The following ANKRD18A variants were observed in gnomAD, a reference collection of about 807,000 sequenced individuals.
ANKRD18A encodes the protein ankyrin repeat domain 18A, also known as ankyrin repeat domain-containing protein 18A.
ANKRD18A carries 72 observed loss-of-function variants against 110.6 expected under a neutral mutation model. The ratio of observed to expected loss-of-function variants is 0.65; its 90% CI spans 0.54 to 0.79. The LOEUF (loss-of-function observed/expected upper bound fraction) is 0.79, where lower values mean the gene tolerates loss of function less well. Ranked by LOEUF, ANKRD18A falls within the 30% of genes least tolerant of loss-of-function variation. The pLI is 0.00. For missense variants in ANKRD18A, 934 were observed against 1,163.3 expected (o/e 0.80, Z 2.87); for synonymous variants, 305 against 410.3 (o/e 0.74, Z 3.10).
intron 3 of ANKRD18A, among the ~76,000 whole-genome samples, chr9:38,611,705 T>C (rs1271384883): frequency 6.6e-6 from 1 of 152,160 alleles, no homozygotes; most frequent in African/African-American, 2.4e-5. Context: ...GCGAATGCTT[T>C]AAGTTTTTAA....
chr9:38,579,548 T>A (rs1824059518), intron 12 of ANKRD18A, among the ~76,000 whole-genome samples: 1 of 152,012 alleles, frequency 6.6e-6, no homozygotes, highest in East Asian at 1.9e-4. Flanking sequence ...AAAAAAGAAA[T>A]ACAAATAGCG....
chr9:38,566,163 T>G, the ANKRD18A span: 1 of 129,658 alleles, frequency 7.7e-6, no homozygotes, highest in South Asian at 2.4e-4. Flanking sequence ...CTGTCCCTGA[T>G]CCCATGAATC....
At chr9:38,579,173 A>G (rs1054913428) in intron 12 of ANKRD18A, among the ~76,000 whole-genome samples, 1 of 152,214 alleles carries the variant, frequency 6.6e-6, no homozygotes, top group Non-Finnish European at 1.5e-5. Flanking sequence ...ATATAGCACC[A>G]TATAGCAAAA....
chr9:38,600,016 A>G (rs1825055712), intron 8 of ANKRD18A, among the ~76,000 whole-genome samples: 1 of 152,178 alleles, frequency 6.6e-6, no homozygotes, highest in South Asian at 2.1e-4. Flanking sequence ...ATTAAGTATG[A>G]ACAAAGAAAA....
chr9:38,611,803 ACCCC>A (rs1295666402), intron 3 of ANKRD18A, among the ~76,000 whole-genome samples: 201 of 152,362 alleles, frequency 1.3e-3, no homozygotes, highest in African/African-American at 4.6e-3. Context: ...AAAGAACTGT[ACCCC>A]AACAAAAAGA....
intron 9 of ANKRD18A, among the ~76,000 whole-genome samples, chr9:38,594,462 A>T (rs1205383556): frequency 1.3e-5 from 2 of 152,208 alleles, no homozygotes; most frequent in African/African-American, 4.8e-5. Context: ...GAGACTTAAA[A>T]TGTAAATTAT....
Position 38,595,484 on chromosome 9 carries a change from A to C in ANKRD18A, c.1854+2T>G. ...GAAGTTTATAGTTTTCTTCATACTTACTTCTCTTTCTGCTTTTTCTTTTTC... is the reference window on the plus strand; with the variant it reads ...GAAGTTTATAGTTTTCTTCATACTTCCTTCTCTTTCTGCTTTTTCTTTTTC... On this transcript the variant is annotated splice_donor_variant, in intron 9 of 15. Coordinates refer to ENST00000399703, the MANE Select transcript of ANKRD18A (RefSeq NM_147195.4). LOFTEE classifies it high-confidence loss of function. The C allele has an allele frequency of 6.8e-7, 1 of 1,466,938 alleles. No individual in the cohort carries two copies. The highest frequency in any genetic ancestry group is 1.5e-5 in the South Asian group (1 of 68,548). The allele number at this position is 1,466,938 out of a possible 1,614,324, so 90.9% of individuals were successfully genotyped here. A position where few individuals can be genotyped will look rare whatever the true frequency, so the allele number is the denominator to read the frequency against.
chr9:38,573,618 G>A (rs1247435561), intron 15 of ANKRD18A, among the ~76,000 whole-genome samples: 1 of 152,084 alleles, frequency 6.6e-6, no homozygotes, highest in Non-Finnish European at 1.5e-5. Flanking sequence ...GGGAGGCTGA[G>A]GCAGGAAAAT....
chr9:38,598,342 T>A (rs1474403229), intron 8 of ANKRD18A, among the ~76,000 whole-genome samples: 1 of 152,190 alleles, frequency 6.6e-6, no homozygotes, highest in African/African-American at 2.4e-5. Context: ...GGTTGATGAA[T>A]GAACAAAGAT....
intron 15 of ANKRD18A, 91 bp from the exon 16 acceptor site, chr9:38,572,150 A>G: frequency 1.1e-6 from 1 of 931,922 alleles, no homozygotes; most frequent in Non-Finnish European, 1.6e-6. Context: ...GAACGTTATC[A>G]GAGTTAATAA....
Position 38,615,724 on chromosome 9 carries a change from T to G in ANKRD18A, c.365A>C (p.Glu122Ala), listed in dbSNP as rs369365354. 10 of 1,612,928 alleles carry G rather than the reference T, an allele frequency of 6.2e-6. No individual in the cohort carries two copies. The Admixed American group carries it at 8.3e-5, about 13-fold the overall frequency. Reference sequence around the variant, plus strand: ...CTCAATGTTTGGATTGGCGCCACATTCCAGGAGAACGATGGCACAAGCCTC... The same window carrying G: ...CTCAATGTTTGGATTGGCGCCACATGCCAGGAGAACGATGGCACAAGCCTC... The part of the protein sequence containing the change: ...QEEACAIVLL[E>A]CGANPNIEDI... The change falls in exon 3 of 16, where the codon GAA becomes GCA. Residue 122 changes from glutamate to alanine, a missense_variant. Glu to Ala is a moderately radical substitution (Grantham distance 107, BLOSUM62 -1). This residue lies in a region of ANKRD18A where 630 missense variants were observed against 797.5 expected (regional missense o/e 0.79). Coordinates refer to ENST00000399703, the MANE Select transcript of ANKRD18A (RefSeq NM_147195.4).
At position 38,605,685 on chromosome 9, in the gene ANKRD18A, C is replaced by T. The variant is rs1157767254; in HGVS notation, c.808+1741G>A. Among the ~76,000 whole-genome samples the T allele has an allele frequency of 3.9e-5, 6 of 152,246 alleles. No individual in the cohort carries two copies. In the East Asian group the frequency reaches 1.2e-3, roughly 29 times the overall value. Reference sequence around the variant, plus strand: ...GCTGGAGTGCAGTGGTGCATTCCGGCTCACTGCAATCTCCACCTCCTGGGT... The same window carrying T: ...GCTGGAGTGCAGTGGTGCATTCCGGTTCACTGCAATCTCCACCTCCTGGGT... On this transcript the variant is annotated intron_variant, in intron 6 of 15. Transcript: ENST00000399703.
At chr9:38,614,180 T>G (rs1825756323) in intron 3 of ANKRD18A, among the ~76,000 whole-genome samples, 1 of 151,922 alleles carries the variant, frequency 6.6e-6, no homozygotes, top group Non-Finnish European at 1.5e-5. Flanking sequence ...CACTTATCTA[T>G]TCTGTGCTTC....
At position 38,592,060 on chromosome 9, in the gene ANKRD18A, A is replaced by C. The variant is rs572459327; in HGVS notation, c.2004+1700T>G. On this transcript the variant is annotated intron_variant, in intron 10 of 15. Coordinates refer to ENST00000399703, the MANE Select transcript of ANKRD18A (RefSeq NM_147195.4). ...TACAGTTTTGGCTACATAGTGAAGG[A>C]AGGCAAATTTAGATTCTTTTTTCAT... is the stretch of plus-strand genomic sequence containing the variant. Among the ~76,000 whole-genome samples the C allele has an allele frequency of 3.3e-5, 5 of 152,336 alleles. No homozygotes were observed. In the South Asian group the frequency reaches 6.2e-4, roughly 19 times the overall value.
chr9:38,606,478 T>A (rs562807576), intron 6 of ANKRD18A, among the ~76,000 whole-genome samples: 1 of 152,370 alleles, frequency 6.6e-6, no homozygotes, highest in Admixed American at 6.5e-5. Flanking sequence ...TTTTCTTTTC[T>A]ATGATTTTCT....
Position 38,610,315 on chromosome 9 carries a change from C to T in ANKRD18A, c.698G>A (p.Gly233Asp). 1 of 1,550,590 alleles carries T rather than the reference C, an allele frequency of 6.4e-7. No homozygotes were observed. Among genetic ancestry groups the T allele is most frequent in the Non-Finnish European group, 8.7e-7 (1 of 1,146,646 alleles). ...AAGAGCATAATCCTCGGCAGTTTGG[C>T]CAAACATGTCTTGAGAAGAGATACG... is the stretch of plus-strand genomic sequence containing the variant. ...NIRISSQDMF[G>D]QTAEDYALCS... is the part of the protein sequence containing the mutation. The change falls in exon 5 of 16, where the codon GGC (glycine) becomes GAC (aspartate). Residue 233 changes from glycine to aspartate, a missense_variant. By Grantham distance (94) the Gly-to-Asp change is moderately conservative. Transcript: ENST00000399703.
At chr9:38,585,014 C>T (rs958082443) in intron 12 of ANKRD18A, among the ~76,000 whole-genome samples, 2 of 152,134 alleles carry the variant, frequency 1.3e-5, no homozygotes, top group Admixed American at 6.5e-5. Context: ...TTTGAAATGG[C>T]TGTTGCAGGG....
chr9:38,568,864 G>A (rs1412301779), downstream of ANKRD18A: 1 of 985,308 alleles, frequency 1.0e-6, no homozygotes, highest in Non-Finnish European at 1.2e-6. Context: ...GACCCTTTAG[G>A]TATGGATCTC....
downstream of ANKRD18A, chr9:38,566,786 G>A (rs1823494068): frequency 2.0e-5 from 3 of 152,298 alleles, no homozygotes; most frequent in South Asian, 6.2e-4. Flanking sequence ...CACGGCAAGA[G>A]GAAAACATGC....
Sources: allele counts gnomAD v4.1 joint callset (sites outside exome capture counted in the v4.1 genomes callset), GRCh38; gene constraint gnomAD v4.1.1; regional missense constraint gnomAD v4.1.1; transcripts MANE v1.5; gene names NCBI Gene and HGNC (gene_info 2026-07-23, HGNC 2026-07-21).